Variants in GFRA2 observed in about 807,000 individuals in gnomAD.
GFRA2 encodes the protein GDNF family receptor alpha-2.
A neutral mutation model predicts 48.3 loss-of-function variants in GFRA2; 17 were observed. That is an observed-to-expected ratio of 0.35 (90% CI 0.24 to 0.53). The LOEUF is 0.53. Ranked by LOEUF, GFRA2 falls within the 20% of genes least tolerant of loss-of-function variation. GFRA2 has a pLI of 0.93. For missense variants in GFRA2, 660 were observed against 637.3 expected, an observed-to-expected ratio of 1.04 and a Z score of -0.38; for synonymous variants, 305 against 257.2, an observed-to-expected ratio of 1.19 and a Z score of -1.78.
chr8:21,704,402 A>G (rs1162272567), intron 6 of GFRA2, among the ~76,000 whole-genome samples: 1 of 152,146 alleles, frequency 6.6e-6, no homozygotes, highest in Non-Finnish European at 1.5e-5. Context: ...CACCTCCTCG[A>G]TGACTTGGAT....
chr8:21,735,761 G>A (rs1031297244), intron 4 of GFRA2, among the ~76,000 whole-genome samples: 2 of 151,974 alleles, frequency 1.3e-5, no homozygotes, highest in African/African-American at 4.8e-5. Context: ...TGACCTCCAG[G>A]GCTCGAGCCG....
At chr8:21,752,300 C>A (rs1286384271) in intron 3 of GFRA2, among the ~76,000 whole-genome samples, 1 of 152,168 alleles carries the variant, frequency 6.6e-6, no homozygotes, top group East Asian at 1.9e-4. Context: ...GCTCTCCTCC[C>A]ATTCTCTCTT....
chr8:21,770,880 C>T (rs1806404693), intron 3 of GFRA2, among the ~76,000 whole-genome samples: 1 of 152,226 alleles, frequency 6.6e-6, no homozygotes, highest in African/African-American at 2.4e-5. Flanking sequence ...CGCAATCTCT[C>T]TTCCCCACCT....
At chr8:21,809,369 G>A (rs559679674) in intron 1 of GFRA2, among the ~76,000 whole-genome samples, 3 of 152,346 alleles carry the variant, frequency 2.0e-5, no homozygotes, top group East Asian at 3.9e-4. Context: ...CAGTCGCCCA[G>A]GCTGGAGTGC....
intron 2 of GFRA2, among the ~76,000 whole-genome samples, chr8:21,796,376 G>GGGAGCC (rs1807677313): frequency 6.6e-6 from 1 of 152,222 alleles, no homozygotes; most frequent in Admixed American, 6.5e-5. Flanking sequence ...CCAAGCCTTG[G>GGGAGCC]GGAGCCGGCT....
intron 2 of GFRA2, among the ~76,000 whole-genome samples, chr8:21,796,342 G>A (rs1807676346): frequency 6.6e-6 from 1 of 152,234 alleles, no homozygotes; most frequent in South Asian, 2.1e-4. Flanking sequence ...CAGAATCAAG[G>A]AAGAGGGACA....
upstream of GFRA2, among the ~76,000 whole-genome samples, chr8:21,790,687 G>C (rs1807553276): frequency 6.6e-6 from 1 of 152,220 alleles, no homozygotes; most frequent in Non-Finnish European, 1.5e-5. Context: ...CCCTAGCTGG[G>C]TAGTGACGAG....
chr8:21,766,407 C>T (rs1208125873), intron 3 of GFRA2, among the ~76,000 whole-genome samples: 1 of 151,998 alleles, frequency 6.6e-6, no homozygotes, highest in East Asian at 1.9e-4. Context: ...CCATGTTGTT[C>T]GCTGATGTAT....
chr8:21,737,848 T>C (rs1471471530), intron 4 of GFRA2, among the ~76,000 whole-genome samples: 1 of 152,166 alleles, frequency 6.6e-6, no homozygotes, highest in Admixed American at 6.5e-5. Flanking sequence ...CTCCTCTTCA[T>C]AGTTAACAGT....
At chr8:21,739,411 G>C (rs1388001337) in intron 4 of GFRA2, among the ~76,000 whole-genome samples, 1 of 152,178 alleles carries the variant, frequency 6.6e-6, no homozygotes, top group African/African-American at 2.4e-5. Flanking sequence ...CAAGATCACA[G>C]AGTTAGTTAT....
intron 2 of GFRA2, among the ~76,000 whole-genome samples, chr8:21,780,627 A>G (rs1438541355): frequency 3.3e-5 from 5 of 152,210 alleles, no homozygotes; most frequent in African/African-American, 1.2e-4. Context: ...GGTGTGGTCA[A>G]TGAGAGCCAT....
intron 4 of GFRA2, among the ~76,000 whole-genome samples, chr8:21,716,603 C>A (rs1167316694): frequency 6.6e-6 from 1 of 152,210 alleles, no homozygotes; most frequent in Non-Finnish European, 1.5e-5. Flanking sequence ...GCTATACTGT[C>A]TACTTCTGGC....
At chr8:21,743,705 C>A (rs1011022904) in intron 4 of GFRA2, among the ~76,000 whole-genome samples, 6 of 152,218 alleles carry the variant, frequency 3.9e-5, no homozygotes, top group East Asian at 1.9e-4. Context: ...CCAGGGAGGA[C>A]TGGCTGGGTT....
intron 4 of GFRA2, among the ~76,000 whole-genome samples, chr8:21,721,413 T>C (rs66494570): frequency 0.47 from 72,163 of 152,092 alleles, 18,851 homozygotes; most frequent in East Asian, 0.69. Context: ...AGAAGTGCCT[T>C]GGGGACCTAC....
chr8:21,768,130 GC>G (rs1428641026), intron 3 of GFRA2, among the ~76,000 whole-genome samples: 5 of 152,120 alleles, frequency 3.3e-5, no homozygotes, highest in Non-Finnish European at 7.4e-5. Context: ...CGTCTCCATA[GC>G]CCCCACTCTC....
At chr8:21,805,524 G>T (rs769273339) in intron 1 of GFRA2, among the ~76,000 whole-genome samples, 3 of 152,104 alleles carry the variant, frequency 2.0e-5, no homozygotes, top group Non-Finnish European at 4.4e-5. Flanking sequence ...AGAACTAAGG[G>T]GCCTTGGAGT....
At chr8:21,794,017 G>A (rs1464002629) in intron 2 of GFRA2, among the ~76,000 whole-genome samples, 2 of 151,504 alleles carry the variant, frequency 1.3e-5, no homozygotes, top group African/African-American at 4.9e-5. Context: ...GCCTGCACCT[G>A]GCTTATTTAT....
intron 4 of GFRA2, among the ~76,000 whole-genome samples, chr8:21,720,283 G>C (rs755670550): frequency 1.7e-4 from 26 of 152,120 alleles, no homozygotes; most frequent in Non-Finnish European, 2.9e-4. Flanking sequence ...AAGACTCCAG[G>C]CACCAAATCC....
At chr8:21,693,520 C>T (rs1358882080) in intron 8 of GFRA2, 120 bp from the exon 9 acceptor site, 2 of 878,590 alleles carry the variant, frequency 2.3e-6, no homozygotes, top group East Asian at 2.9e-5. Context: ...AGCCCCTGTC[C>T]TCTCTTCCAC....
Sources: allele counts gnomAD v4.1 joint callset (sites outside exome capture counted in the v4.1 genomes callset), GRCh38; gene constraint gnomAD v4.1.1; transcripts MANE v1.5; gene names NCBI Gene and HGNC (gene_info 2026-07-23, HGNC 2026-07-21).